ZBTB45: variants seen among roughly 807,000 people sequenced by gnomAD.
ZBTB45 encodes the protein zinc finger and BTB domain containing 45.
Under a neutral mutation model 28.4 loss-of-function variants are expected in ZBTB45, and 22 were observed. The observed-to-expected ratio is 0.77, with a 90% CI of 0.55 to 1.10. The LOEUF is 1.10. ZBTB45 is among the 50% of genes least tolerant of loss of function. The pLI is 0.00. For missense variants in ZBTB45, 656 were observed against 750.2 expected, an observed-to-expected ratio of 0.87 and a Z score of 1.47; for synonymous variants, 361 against 332.3, an observed-to-expected ratio of 1.09 and a Z score of -0.94.
chr19:58,529,453 C>T (rs2053625188), intron 1 of ZBTB45, among the ~76,000 whole-genome samples: 1 of 152,150 alleles, frequency 6.6e-6, no homozygotes, highest in Non-Finnish European at 1.5e-5. Context: ...AAGTGAACAA[C>T]ACAGTGCCTT....
At position 58,514,105 on chromosome 19, in the gene ZBTB45, G is replaced by A; in HGVS notation, c.1485C>T (p.Phe495=). Residue 495 remains phenylalanine (F), a synonymous_variant, in exon 3 of 3, where the codon TTC becomes TTT. Coordinates refer to ENST00000594051, the MANE Select transcript of ZBTB45 (RefSeq NM_001316979.2). ...GGCGCTCCAGCAGCGCGCGGTGCGA[G>A]AAGACCTTGCCGCAGGCGGGGCAGG... is the stretch of plus-strand genomic sequence containing the variant. The part of the protein sequence containing the change: ...RAPCPACGKV[F]SHRALLERHL... The A allele has an allele frequency of 1.3e-6, 2 of 1,597,796 alleles. No homozygotes were observed. The highest frequency in any genetic ancestry group is 1.1e-5 in the South Asian group (1 of 90,018).
intron 2 of ZBTB45, 90 bp from the exon 3 acceptor site, chr19:58,514,400 C>G (rs2053462549): frequency 1.4e-6 from 2 of 1,409,218 alleles, no homozygotes; most frequent in Middle Eastern, 2.6e-4. Context: ...GCTCCTGGAC[C>G]TAGCAGGGGC....
At chr19:58,537,113 G>A (rs578214360) in intron 1 of ZBTB45, among the ~76,000 whole-genome samples, 99 of 152,174 alleles carry the variant, frequency 6.5e-4, no homozygotes, top group African/African-American at 2.1e-3. Flanking sequence ...ACCCACCCTG[G>A]CTTGGCCAAT....
intron 1 of ZBTB45, chr19:58,519,307 AAACTTGCGCATC>A (rs2122571387): frequency 6.6e-6 from 1 of 152,478 alleles, no homozygotes; most frequent in East Asian, 1.9e-4. Context: ...ATGGGGACGG[AAACTTGCGCATC>A]AACCCGAGAG....
At chr19:58,527,044 C>T (rs1019013225) in intron 1 of ZBTB45, among the ~76,000 whole-genome samples, 3 of 152,184 alleles carry the variant, frequency 2.0e-5, no homozygotes, top group African/African-American at 7.2e-5. Context: ...GCCCCAACCC[C>T]CTATTGTGGG....
chr19:58,526,820 C>T (rs1006055277), intron 1 of ZBTB45, among the ~76,000 whole-genome samples: 166 of 151,624 alleles, frequency 1.1e-3, no homozygotes, highest in African/African-American at 3.8e-3. Flanking sequence ...CGTGAGCCAC[C>T]GCGCCCGGCC....
chr19:58,517,351 A>G lies in ZBTB45; in HGVS notation c.323T>C (p.Val108Ala). ...EALQVLTAAS[V>A]LRIQTVIDEC... ...GTCGATAACTGTCTGTATGCGAAGC[A>G]CTGACGCGGCCGTGAGCACCTGCAG... Residue 108 changes from valine (V) to alanine (A), a missense_variant, in exon 2 of 3, where the codon GTG becomes GCG. By Grantham distance (64) the Val-to-Ala change is moderately conservative. This residue lies in a region of ZBTB45 where 448 missense variants were observed against 444.3 expected (regional missense o/e 1.01). Coordinates refer to ENST00000594051, the MANE Select transcript of ZBTB45 (RefSeq NM_001316979.2). The G allele has an allele frequency of 6.2e-7, 1 of 1,612,150 alleles. No individual in the cohort carries two copies. The highest frequency in any genetic ancestry group is 8.5e-7 in the Non-Finnish European group (1 of 1,179,890).
chr19:58,538,393 G>A (rs2053672558), intron 1 of ZBTB45, among the ~76,000 whole-genome samples: 1 of 152,042 alleles, frequency 6.6e-6, no homozygotes, highest in South Asian at 2.1e-4. Context: ...GCGTCTTCAG[G>A]GTGGTGGGCT....
At chr19:58,527,904 C>A (rs542367966) in intron 1 of ZBTB45, among the ~76,000 whole-genome samples, 2 of 152,172 alleles carry the variant, frequency 1.3e-5, no homozygotes, top group Non-Finnish European at 2.9e-5. Flanking sequence ...GAGTTTGAGA[C>A]CAGGCTGGCC....
At position 58,517,257 on chromosome 19, in the gene ZBTB45, A is replaced by G. The variant is rs760359766; in HGVS notation, c.417T>C (p.Pro139=). The change falls in exon 2 of 3, where the codon CCT becomes CCC. Residue 139 remains proline, a synonymous_variant. Coordinates refer to ENST00000594051, the MANE Select transcript of ZBTB45 (RefSeq NM_001316979.2). Reference sequence around the variant, plus strand: ...GCGCAGGTGCGAGTGGCGGGGGCACAGGGGTGGGCAGGGGCGTGGGCGCAG... The same window carrying G: ...GCGCAGGTGCGAGTGGCGGGGGCACGGGGGTGGGCAGGGGCGTGGGCGCAG... The part of the protein sequence containing the change: ...GTSAPTPLPT[P]VPPPLAPAQL... 5.1e-5 allele frequency: 75 copies of G among 1,483,578 alleles called. No individual in the cohort carries two copies. The highest frequency in any genetic ancestry group is 6.4e-5 in the Non-Finnish European group (71 of 1,105,972). 91.9% of individuals were successfully genotyped at this position (1,483,578 alleles called of 1,614,324 possible).
At position 58,515,737 on chromosome 19, in the gene ZBTB45, GAGCATCCTCACC is replaced by G. The variant is rs2053483530; in HGVS notation, c.1279+646_1279+657del. Among the ~76,000 whole-genome samples, 1 of 152,056 alleles carries G rather than the reference GAGCATCCTCACC, an allele frequency of 6.6e-6. No homozygotes were observed. Among genetic ancestry groups the G allele is most frequent in the Non-Finnish European group, 1.5e-5 (1 of 68,022 alleles). ...TGTCCTCCATCTCAGAGCCCCCAGG[GAGCATCCTCACC>G]ACATTCCCCAGTACCACCCTCCCAC... On this transcript the variant is annotated intron_variant, in intron 2 of 2. Coordinates refer to ENST00000594051, the MANE Select transcript of ZBTB45 (RefSeq NM_001316979.2). The surrounding 1 kb of genome is among the most constrained non-coding windows in gnomAD (Gnocchi z 4.7).
In ZBTB45 at chr19:58,526,502, G is replaced by A. The variant is rs186671183; in HGVS notation, c.1-8829C>T. Among the ~76,000 whole-genome samples, 1,305 of 142,872 alleles carry A rather than the reference G, an allele frequency of 9.1e-3. 25 individuals are homozygous for A. The highest frequency in any genetic ancestry group is 0.032 in the African/African-American group (1,257 of 39,102). The allele number at this position is 142,872 out of a possible 152,430, so 93.7% of individuals were successfully genotyped here. On this transcript the variant is annotated intron_variant, in intron 1 of 1. Coordinates refer to the ZBTB45 transcript ENST00000600130. ...TGGGATTACAGGCGTGAGCCACCACGCCTGGCTGTTATTATTATTATTATT... is the reference window on the plus strand; with the variant it reads ...TGGGATTACAGGCGTGAGCCACCACACCTGGCTGTTATTATTATTATTATT...
In ZBTB45 at chr19:58,514,103, GAGA is replaced by G. The variant is rs2053454302; in HGVS notation, c.1484_1486del (p.Phe495del). On this transcript the variant is annotated inframe_deletion, in exon 3 of 3. Coordinates refer to ENST00000594051, the MANE Select transcript of ZBTB45 (RefSeq NM_001316979.2). ...GTGGCGCTCCAGCAGCGCGCGGTGC[GAGA>G]AGACCTTGCCGCAGGCGGGGCAGGG... 1.9e-6 allele frequency: 3 copies of G among 1,596,140 alleles called. No individual in the cohort carries two copies. Among genetic ancestry groups the G allele is most frequent in the Non-Finnish European group, 2.6e-6 (3 of 1,172,726 alleles).
rs1436538964 is a variant in ZBTB45, at chr19:58,516,777, G to A, written c.897C>T (p.Pro299=). 6.8e-6 allele frequency: 11 copies of A among 1,613,674 alleles called. No homozygotes were observed. The Middle Eastern group carries it at 4.9e-4, about 72-fold the overall frequency. ...CAGGGGTCTCAGTGGGACAGCCTTC[G>A]GGGACAGCGCCATCCTCGTCGTGCC... ...STWHDEDGAV[P]EGCPTETPVQ... The change falls in exon 2 of 3, where the codon CCC becomes CCT. Residue 299 remains proline, a synonymous_variant. Transcript: ENST00000594051. This position sits in a 1 kb window ranked among gnomAD's most constrained non-coding sequence, Gnocchi z 6.2.
chr19:58,514,197 C>A lies in ZBTB45; in HGVS notation c.1393G>T (p.Ala465Ser). 1 of 1,612,558 alleles carries A rather than the reference C, an allele frequency of 6.2e-7. No homozygotes were observed. Reference sequence around the variant, plus strand: ...GAGCTCTTCTGCGTGAAGCGCTTGGCGCAGACGGCGCACTGGAAGGCGCGC... The same window carrying A: ...GAGCTCTTCTGCGTGAAGCGCTTGGAGCAGACGGCGCACTGGAAGGCGCGC... ...GVRAFQCAVC[A>S]KRFTQKSSLN... is the part of the protein sequence containing the mutation. The change falls in exon 3 of 3, where the codon GCC becomes TCC. Residue 465 changes from alanine to serine, a missense_variant. Ala to Ser is a moderately conservative substitution (Grantham distance 99, BLOSUM62 1). Coordinates refer to ENST00000594051, the MANE Select transcript of ZBTB45 (RefSeq NM_001316979.2).
chr19:58,536,076 G>T (rs149320997), intron 1 of ZBTB45, among the ~76,000 whole-genome samples: 5 of 152,200 alleles, frequency 3.3e-5, no homozygotes, highest in Admixed American at 2.0e-4. Flanking sequence ...GTTGTCACCA[G>T]AATTGGATTT....
At chr19:58,520,535 T>C (rs959424748), upstream of ZBTB45, among the ~76,000 whole-genome samples, 3 of 152,132 alleles carry the variant, frequency 2.0e-5, no homozygotes, top group Admixed American at 2.0e-4. Flanking sequence ...GCGGAAATAA[T>C]TAAGGTTACT....
In ZBTB45 at chr19:58,517,247, G is replaced by A; in HGVS notation, c.427C>T (p.Pro143Ser). ...TGACGCAGCTGCGCAGGTGCGAGTG[G>A]CGGGGGCACAGGGGTGGGCAGGGGC... is the stretch of plus-strand genomic sequence containing the variant. Reference protein sequence around the residue: ...PTPLPTPVPPPLAPAQLRHRL... With the variant: ...PTPLPTPVPPSLAPAQLRHRL... The change falls in exon 2 of 3, where the codon CCA becomes TCA. Residue 143 changes from proline (P) to serine (S), a missense_variant. Coordinates refer to ENST00000594051, the MANE Select transcript of ZBTB45 (RefSeq NM_001316979.2). The A allele has an allele frequency of 6.3e-7, 1 of 1,589,094 alleles. No homozygotes were observed. The highest frequency in any genetic ancestry group is 8.5e-7 in the Non-Finnish European group (1 of 1,170,240).
At chr19:58,529,219 C>T (rs1054551187) in intron 1 of ZBTB45, among the ~76,000 whole-genome samples, 6 of 152,218 alleles carry the variant, frequency 3.9e-5, no homozygotes, top group African/African-American at 1.2e-4. Flanking sequence ...GCAGGGGGAT[C>T]GCTTGATCCC....
Sources: allele counts gnomAD v4.1 joint callset (sites outside exome capture counted in the v4.1 genomes callset), GRCh38; gene constraint gnomAD v4.1.1; regional missense constraint gnomAD v4.1.1; non-coding constraint Gnocchi (gnomAD v3.1); transcripts MANE v1.5; gene names NCBI Gene and HGNC (gene_info 2026-07-23, HGNC 2026-07-21).